DHRSX: variants seen among roughly 807,000 people sequenced by gnomAD.
The protein encoded by DHRSX is dehydrogenase/reductase X-linked.
A neutral mutation model predicts 34.0 loss-of-function variants in DHRSX; 31 were observed. That is an observed-to-expected ratio of 0.91 (90% CI 0.69 to 1.23). The LOEUF is 1.23. DHRSX is among the 50% of genes most tolerant of loss of function. The pLI is 0.00. For missense variants in DHRSX, 414 were observed against 428.1 expected (o/e 0.97, Z 0.29); for synonymous variants, 201 against 183.8 (o/e 1.09, Z -0.76).
At chrX:2,317,968 A>G (rs1447000330) in intron 3 of DHRSX, among the ~76,000 whole-genome samples, 1 of 152,136 alleles carries the variant, frequency 6.6e-6, no homozygotes, top group Non-Finnish European at 1.5e-5. Context: ...AGCCCACAAG[A>G]AATTTCCTTA....
intron 1 of DHRSX, among the ~76,000 whole-genome samples, chrX:2,484,884 G>T (rs769328230): frequency 5.3e-5 from 8 of 151,258 alleles, no homozygotes; most frequent in African/African-American, 1.9e-4. Flanking sequence ...GCAAATGAAC[G>T]TCACCACCGA....
chrX:2,414,894 A>C (rs1337627251), intron 2 of DHRSX, among the ~76,000 whole-genome samples: 1 of 151,630 alleles, frequency 6.6e-6, no homozygotes. Flanking sequence ...CATAATGACC[A>C]ATCCCACTAG....
intron 6 of DHRSX, among the ~76,000 whole-genome samples, chrX:2,226,667 GGCGA>G (rs1313106333): frequency 1.5e-5 from 2 of 137,828 alleles, no homozygotes; most frequent in African/African-American, 2.7e-5. Flanking sequence ...CGGGCATGGT[GGCGA>G]GCGCCTGTAG....
intron 1 of DHRSX, among the ~76,000 whole-genome samples, chrX:2,439,133 G>A (rs1264678386): frequency 6.8e-6 from 1 of 148,040 alleles, no homozygotes; most frequent in African/African-American, 2.5e-5. Flanking sequence ...TGACAAGAGC[G>A]AGACTTTTTT....
intron 3 of DHRSX, among the ~76,000 whole-genome samples, chrX:2,400,355 C>G (rs1190885270): frequency 6.6e-6 from 1 of 152,212 alleles, no homozygotes; most frequent in Non-Finnish European, 1.5e-5. Flanking sequence ...ATCCGAAAGT[C>G]TACAGGTTGA....
intron 3 of DHRSX, 85 bp from the exon 4 acceptor site, chrX:2,291,688 A>C: frequency 1.0e-6 from 1 of 976,970 alleles, no homozygotes; most frequent in Non-Finnish European, 1.6e-6. Context: ...GGTCAAACTC[A>C]ATTTCATCTA....
intron 3 of DHRSX, chrX:2,334,305 T>C (rs2042523234): frequency 6.6e-6 from 1 of 151,780 alleles, no homozygotes; most frequent in South Asian, 2.1e-4. Context: ...GCTGGAATTC[T>C]AGGCACCTGC....
intron 2 of DHRSX, among the ~76,000 whole-genome samples, chrX:2,422,050 T>C (rs919591733): frequency 6.6e-6 from 1 of 152,182 alleles, no homozygotes; most frequent in African/African-American, 2.4e-5. Context: ...TGCTTGAGCC[T>C]TTTGGGCTAT....
intron 6 of DHRSX, among the ~76,000 whole-genome samples, chrX:2,223,540 G>GT (rs2124391651): frequency 6.6e-6 from 1 of 152,174 alleles, no homozygotes; most frequent in East Asian, 1.9e-4. Flanking sequence ...CCTGTGTCCC[G>GT]TGTCTTGCCC....
chrX:2,314,266 A>G (rs865910821), intron 3 of DHRSX, among the ~76,000 whole-genome samples: 6 of 11,894 alleles, frequency 5.0e-4, no homozygotes, highest in Non-Finnish European at 7.1e-4. Context: ...GAGGGAATGA[A>G]GGAGGGAATG....
chrX:2,305,059 A>G (rs992638941), intron 3 of DHRSX, among the ~76,000 whole-genome samples: 1 of 152,182 alleles, frequency 6.6e-6, no homozygotes, highest in Non-Finnish European at 1.5e-5. Flanking sequence ...TTGCAGGGAC[A>G]TGGATGGAGC....
chrX:2,298,044 C>T (rs2041955659), intron 3 of DHRSX, among the ~76,000 whole-genome samples: 1 of 152,184 alleles, frequency 6.6e-6, no homozygotes, highest in African/African-American at 2.4e-5. Flanking sequence ...GCATGAGCTA[C>T]CACGCCTAGC....
At chrX:2,493,715 C>G (rs1430114408) in intron 1 of DHRSX, among the ~76,000 whole-genome samples, 1 of 152,040 alleles carries the variant, frequency 6.6e-6, no homozygotes, top group Non-Finnish European at 1.5e-5. Flanking sequence ...CACGCCTGTA[C>G]TCTCAGCACT....
intron 3 of DHRSX, among the ~76,000 whole-genome samples, chrX:2,339,072 T>C (rs940923026): frequency 6.6e-6 from 1 of 152,056 alleles, no homozygotes; most frequent in African/African-American, 2.4e-5. Flanking sequence ...ACTCTTTTTG[T>C]GTGTTTTTCT....
intron 4 of DHRSX, among the ~76,000 whole-genome samples, chrX:2,282,797 A>AG (rs750815588): frequency 0.39 from 36,196 of 93,910 alleles, 8,281 homozygotes; most frequent in Non-Finnish European, 0.46. Context: ...AGAGAGAAGA[A>AG]AGAGAGAAGA....
At position 2,485,411 on chromosome X, in the gene DHRSX, C is replaced by G. The variant is rs1428765137; in HGVS notation, c.109+15406G>C. 6.0e-5 allele frequency among the ~76,000 whole-genome samples: 9 copies of G among 150,854 alleles called. No individual in the cohort carries two copies. In the East Asian group the frequency reaches 1.8e-3, roughly 29 times the overall value. The stretch of plus-strand genomic sequence containing the variant: ...CCAACAGCACTTGGAAAGGGCAAGT[C>G]TGGGCAGAGGTGCACATCCCGGCCT... On this transcript the variant is annotated intron_variant, in intron 1 of 6. Coordinates refer to ENST00000334651, the MANE Select transcript of DHRSX (RefSeq NM_145177.3).
At chrX:2,352,417 T>C (rs957224513) in intron 3 of DHRSX, among the ~76,000 whole-genome samples, 1 of 152,156 alleles carries the variant, frequency 6.6e-6, no homozygotes, top group Non-Finnish European at 1.5e-5. Context: ...TTGAGCTATC[T>C]GAGGTGCTTC....
At chrX:2,347,624 G>T (rs1361933109) in intron 3 of DHRSX, among the ~76,000 whole-genome samples, 1 of 152,168 alleles carries the variant, frequency 6.6e-6, no homozygotes, top group Non-Finnish European at 1.5e-5. Flanking sequence ...AACCCAGGAG[G>T]TGGAGGCTGT....
At chrX:2,321,499 C>T (rs189547757) in intron 3 of DHRSX, among the ~76,000 whole-genome samples, 2 of 147,100 alleles carry the variant, frequency 1.4e-5, no homozygotes, top group East Asian at 3.9e-4. Context: ...TACATCAGGT[C>T]GTGAAGGTGG....
Sources: gnomAD v4.1 joint callset for allele counts (sites outside exome capture counted in the v4.1 genomes callset) on GRCh38, gnomAD v4.1.1 for gene constraint, MANE v1.5 for transcripts, NCBI Gene and HGNC (gene_info 2026-07-23, HGNC 2026-07-21) for gene names.